CIZ1: variants seen among roughly 807,000 people sequenced by gnomAD.
CIZ1 encodes CDKN1A interacting zinc finger protein 1, also known as cip1-interacting zinc finger protein.
In CIZ1, 58 loss-of-function variants were observed where a neutral mutation model predicts 118.6. The ratio of observed to expected loss-of-function variants is 0.49; its 90% CI spans 0.40 to 0.61. The LOEUF is 0.61. Ranked by LOEUF, CIZ1 falls within the 20% of genes least tolerant of loss-of-function variation. CIZ1 has a pLI of 0.00. For missense variants in CIZ1, 921 were observed against 1,115.9 expected (o/e 0.83, Z 2.49); for synonymous variants, 448 against 443.4 (o/e 1.01, Z -0.13).
At chr9:128,184,571 C>A (rs769391292) in intron 5 of CIZ1, among the ~76,000 whole-genome samples, 1 of 147,944 alleles carries the variant, frequency 6.8e-6, no homozygotes, top group Non-Finnish European at 1.5e-5. Flanking sequence ...TAATTCACTG[C>A]AGCCTCTAAC....
intron 7 of CIZ1, among the ~76,000 whole-genome samples, chr9:128,179,830 A>G (rs1017980231): frequency 1.3e-5 from 2 of 151,620 alleles, no homozygotes; most frequent in Non-Finnish European, 2.9e-5. Flanking sequence ...GCGCCACCAC[A>G]CCCAGCTAAT....
Position 128,166,913 on chromosome 9 carries a change from A to T in CIZ1, c.2366-33T>A. On this transcript the variant is annotated intron_variant, in intron 15 of 16. Coordinates refer to ENST00000372938, the MANE Select transcript of CIZ1 (RefSeq NM_001131016.2). The surrounding 1 kb of genome is among the most constrained non-coding windows in gnomAD (Gnocchi z 4.4). ...ATGGGATGGCAGGGTCTGCACTCACATCCCTGTACCAGCGAGGTGTCCCTC... is the reference window on the plus strand; with the variant it reads ...ATGGGATGGCAGGGTCTGCACTCACTTCCCTGTACCAGCGAGGTGTCCCTC... 6.2e-7 allele frequency: 1 copy of T among 1,613,970 alleles called. No homozygotes were observed. Among genetic ancestry groups the T allele is most frequent in the Non-Finnish European group, 8.5e-7 (1 of 1,179,874 alleles).
At position 128,188,172 on chromosome 9, in the gene CIZ1, C is replaced by T. The variant is rs1832680572; in HGVS notation, c.287-238G>A. Among the ~76,000 whole-genome samples, 5 of 141,486 alleles carry T rather than the reference C, an allele frequency of 3.5e-5. No individual in the cohort carries two copies. The South Asian group carries it at 8.8e-4, about 25-fold the overall frequency. 92.8% of individuals were successfully genotyped at this position (141,486 alleles called of 152,430 possible). A position where few individuals can be genotyped will look rare whatever the true frequency, so the allele number is the denominator to read the frequency against. On this transcript the variant is annotated intron_variant, in intron 3 of 16. Coordinates refer to ENST00000372938, the MANE Select transcript of CIZ1 (RefSeq NM_001131016.2). The stretch of plus-strand genomic sequence containing the variant: ...CTAAGAAGGTTTAGATAAACAAAGG[C>T]ATAGCCCTCTGGTGCAATATTAAAC...
At chr9:128,199,764 A>G (rs1833464877) in intron 1 of CIZ1, among the ~76,000 whole-genome samples, 1 of 150,140 alleles carries the variant, frequency 6.7e-6, no homozygotes. Flanking sequence ...AGAGAGAGTA[A>G]AGAAGCCATT....
intron 9 of CIZ1, 104 bp from the exon 10 acceptor site, chr9:128,177,867 A>G: frequency 1.2e-6 from 1 of 805,818 alleles, no homozygotes; most frequent in South Asian, 2.1e-5. Flanking sequence ...CTTCCTGATG[A>G]TAGGGAAACT....
At chr9:128,183,739 T>C (rs1831992874) in intron 5 of CIZ1, among the ~76,000 whole-genome samples, 1 of 143,888 alleles carries the variant, frequency 6.9e-6, no homozygotes, top group African/African-American at 2.5e-5. Flanking sequence ...CTAGTTATGT[T>C]TCCTATACTT....
At chr9:128,173,799 G>A (rs1023594634) in intron 11 of CIZ1, among the ~76,000 whole-genome samples, 1 of 151,932 alleles carries the variant, frequency 6.6e-6, no homozygotes, top group Non-Finnish European at 1.5e-5. Context: ...AAGGTCAGGA[G>A]ATCAAGACCA....
At position 128,177,756 on chromosome 9, in the gene CIZ1, C is replaced by T. The variant is rs767365606; in HGVS notation, c.1628G>A (p.Gly543Asp). 6.3e-7 allele frequency: 1 copy of T among 1,594,176 alleles called. No individual in the cohort carries two copies. Among genetic ancestry groups the T allele is most frequent in the Non-Finnish European group, 8.5e-7 (1 of 1,170,948 alleles). ...NRAREMPGVW[G>D]AGGSLKVTIL... ...GGTGACCTTCAGGGAGCCCCCGGCG[C>T]CCCATACCTGCATGGGGAGTAGGAA... The change falls in exon 10 of 17, where the codon GGC becomes GAC. Residue 543 changes from glycine (G) to aspartate (D), a missense_variant. By Grantham distance (94) the Gly-to-Asp change is moderately conservative. Transcript: ENST00000372938.
At chr9:128,191,797 G>C (rs1057390018), upstream of CIZ1, 1 of 1,440,140 alleles carries the variant, frequency 6.9e-7, no homozygotes, top group African/African-American at 1.5e-5. The surrounding 1 kb of genome is among the most constrained non-coding windows in gnomAD (Gnocchi z 5.5). Flanking sequence ...CTGCCGCCCG[G>C]AAGGGTCAGC....
Position 128,203,750 on chromosome 9 carries a change from C to T in CIZ1, c.-6+436G>A, listed in dbSNP as rs1313897093. ...CCCGACGCTGCACCCGCGGCCGGCG[C>T]GCCCCCCACCCCCAGCCGGAGCGAG... On this transcript the variant is annotated intron_variant, in intron 1 of 17. Coordinates refer to the CIZ1 transcript ENST00000372948. The surrounding 1 kb of genome is among the most constrained non-coding windows in gnomAD (Gnocchi z 5.3). 2.1e-6 allele frequency: 2 copies of T among 949,702 alleles called. No homozygotes were observed. The highest frequency in any genetic ancestry group is 2.7e-6 in the Non-Finnish European group (2 of 733,464). 58.8% of individuals were successfully genotyped at this position (949,702 alleles called of 1,614,324 possible). A position where few individuals can be genotyped will look rare whatever the true frequency, so the allele number is the denominator to read the frequency against.
At chr9:128,174,489 A>C (rs1830619081) in intron 11 of CIZ1, among the ~76,000 whole-genome samples, 1 of 152,074 alleles carries the variant, frequency 6.6e-6, no homozygotes, top group Non-Finnish European at 1.5e-5. Context: ...CACTAACCTA[A>C]GCCAGAAACA....
At position 128,191,232 on chromosome 9, in the gene CIZ1, C is replaced by T. The variant is rs67525828; in HGVS notation, c.-6+200G>A. ...CCCCTTTTCAATACCGCAACCCTCT[C>T]TGGGCCCCCGGGTGTCAATAACATC... is the stretch of plus-strand genomic sequence containing the variant. On this transcript the variant is annotated intron_variant, in intron 1 of 16. Coordinates refer to ENST00000372938, the MANE Select transcript of CIZ1 (RefSeq NM_001131016.2). This position sits in a 1 kb window ranked among gnomAD's most constrained non-coding sequence, Gnocchi z 5.5. 0.53 allele frequency: 139,736 copies of T among 265,118 alleles called. 41,066 individuals carry two copies. Among genetic ancestry groups the T allele is most frequent in the South Asian group, 0.68 (7,088 of 10,452 alleles). 16.4% of individuals were successfully genotyped at this position (265,118 alleles called of 1,614,324 possible). A position where few individuals can be genotyped will look rare whatever the true frequency, so the allele number is the denominator to read the frequency against.
chr9:128,172,400 G>A (rs1056335333), intron 11 of CIZ1, among the ~76,000 whole-genome samples: 5 of 151,890 alleles, frequency 3.3e-5, no homozygotes, highest in Admixed American at 1.3e-4. Context: ...AGGCTGAGGC[G>A]GGAGAATTGC....
intron 3 of CIZ1, among the ~76,000 whole-genome samples, 183 bp from the exon 4 acceptor site, chr9:128,188,117 C>CAAAAAAAAAAAAA (rs34796767): frequency 9.5e-6 from 1 of 104,792 alleles, no homozygotes; most frequent in Non-Finnish European, 1.9e-5. Context: ...AAGAAAAAAG[C>CAAAAAAAAAAAAA]AAAAAAAAAA....
upstream of CIZ1, chr9:128,191,952 C>T (rs1274888409): frequency 7.2e-7 from 1 of 1,395,306 alleles, no homozygotes. The surrounding 1 kb of genome is among the most constrained non-coding windows in gnomAD (Gnocchi z 5.5). Context: ...ATTCGAGGGA[C>T]CCAGGCCAGG....
intron 11 of CIZ1, among the ~76,000 whole-genome samples, chr9:128,173,218 T>C (rs974682132): frequency 1.1e-4 from 17 of 150,052 alleles, no homozygotes; most frequent in East Asian, 4.0e-4. Flanking sequence ...GATCTTGGCT[T>C]ACTGCAAGCT....
upstream of CIZ1, among the ~76,000 whole-genome samples, chr9:128,192,921 T>C (rs1205101658): frequency 1.3e-5 from 2 of 152,176 alleles, no homozygotes; most frequent in Non-Finnish European, 2.9e-5. Flanking sequence ...TCGCCCTGCC[T>C]TCCGCGCCGA....
chr9:128,185,050 G>A lies in CIZ1; in HGVS notation c.588+497C>T, dbSNP rs540188721. On this transcript the variant is annotated intron_variant, in intron 5 of 16. Coordinates refer to ENST00000372938, the MANE Select transcript of CIZ1 (RefSeq NM_001131016.2). ...TCCCAGCACTTTGGGAGGCTGAGGCGGGCGGATCACCTGAGGTCAGGAGTT... is the reference window on the plus strand; with the variant it reads ...TCCCAGCACTTTGGGAGGCTGAGGCAGGCGGATCACCTGAGGTCAGGAGTT... Among the ~76,000 whole-genome samples, 10 of 152,076 alleles carry A rather than the reference G, an allele frequency of 6.6e-5. No individual in the cohort carries two copies. In the South Asian group the frequency reaches 8.3e-4, roughly 13 times the overall value.
upstream of CIZ1, chr9:128,191,584 G>T: frequency 8.7e-7 from 1 of 1,148,668 alleles, no homozygotes; most frequent in Non-Finnish European, 1.1e-6. This position sits in a 1 kb window ranked among gnomAD's most constrained non-coding sequence, Gnocchi z 5.5. Context: ...CCCAAATGCG[G>T]GCGGGGCCGG....
Sources: allele counts gnomAD v4.1 joint callset (sites outside exome capture counted in the v4.1 genomes callset), GRCh38; gene constraint gnomAD v4.1.1; non-coding constraint Gnocchi (gnomAD v3.1); transcripts MANE v1.5; gene names NCBI Gene and HGNC (gene_info 2026-07-23, HGNC 2026-07-21).